KIF5B: variants seen among roughly 807,000 people sequenced by gnomAD.
The protein encoded by KIF5B is kinesin family member 5B.
Under a neutral mutation model 132.8 loss-of-function variants are expected in KIF5B, and 49 were observed. The observed-to-expected ratio is 0.37, with a 90% CI of 0.29 to 0.47. The LOEUF is 0.47. KIF5B is among the 20% of genes least tolerant of loss of function. The pLI, the probability that KIF5B is intolerant of heterozygous loss-of-function variation, is 1.00. For synonymous variants in KIF5B, 355 were observed against 369.4 expected, an observed-to-expected ratio of 0.96 and a Z score of 0.45; for missense variants, 780 against 1,144.0, an observed-to-expected ratio of 0.68 and a Z score of 4.59.
intron 1 of KIF5B, among the ~76,000 whole-genome samples, chr10:32,054,173 A>C (rs137943605): frequency 4.1e-4 from 63 of 152,374 alleles, no homozygotes; most frequent in African/African-American, 1.4e-3. Context: ...CAACCACTGC[A>C]GAAGCTGAGT....
chr10:32,040,911 C>T (rs888635136), intron 2 of KIF5B, among the ~76,000 whole-genome samples: 4 of 150,244 alleles, frequency 2.7e-5, no homozygotes, highest in African/African-American at 4.9e-5. Context: ...TTGCCTGAAC[C>T]GGGCAGGTGG....
At chr10:32,039,857 A>G (rs1841509261) in intron 3 of KIF5B, among the ~76,000 whole-genome samples, 1 of 152,234 alleles carries the variant, frequency 6.6e-6, no homozygotes, top group South Asian at 2.1e-4. Flanking sequence ...TTTACTTAAT[A>G]TAGTACACTC....
At chr10:32,015,703 T>A in intron 24 of KIF5B, 44 bp from the exon 25 acceptor site, 1 of 1,515,672 alleles carries the variant, frequency 6.6e-7, no homozygotes, top group Non-Finnish European at 9.0e-7. Flanking sequence ...AAGTTTAAGA[T>A]GTGACTGCAA....
intron 19 of KIF5B, 60 bp downstream of exon 19, chr10:32,020,962 A>T: frequency 1.1e-6 from 1 of 900,122 alleles, no homozygotes; most frequent in Non-Finnish European, 1.8e-6. Flanking sequence ...TAATAAGAAT[A>T]TATACCATGA....
chr10:32,039,502 C>G (rs1841504692), intron 3 of KIF5B, 71 bp from the exon 4 acceptor site: 2 of 737,612 alleles, frequency 2.7e-6, no homozygotes, highest in Non-Finnish European at 4.5e-6. Context: ...GAGTTTCAAT[C>G]TACAACTTAT....
intron 1 of KIF5B, among the ~76,000 whole-genome samples, chr10:32,049,343 A>G (rs902853178): frequency 2.0e-5 from 3 of 152,328 alleles, no homozygotes; most frequent in African/African-American, 7.2e-5. Flanking sequence ...ACCTAAGTCT[A>G]CGGGAAAGCA....
intron 6 of KIF5B, 54 bp downstream of exon 6, chr10:32,038,109 T>TA (rs373407112): frequency 0.048 from 46,142 of 955,788 alleles, 8 homozygotes; most frequent in Non-Finnish European, 0.052. Context: ...GACTCTGTCT[T>TA]AAAAAAAAAA....
At chr10:32,020,136 C>T (rs1284707363) in intron 19 of KIF5B, among the ~76,000 whole-genome samples, 177 bp from the exon 20 acceptor site, 1 of 152,082 alleles carries the variant, frequency 6.6e-6, no homozygotes, top group Non-Finnish European at 1.5e-5. Flanking sequence ...CAAAATTTTT[C>T]GTATTTTGGT....
At chr10:32,053,440 C>A (rs945060457) in intron 1 of KIF5B, among the ~76,000 whole-genome samples, 17 of 143,448 alleles carry the variant, frequency 1.2e-4, no homozygotes, top group African/African-American at 3.5e-4. Flanking sequence ...AAAAAAAAAA[C>A]CAGGCCAGGC....
Position 32,036,023 on chromosome 10 carries a change from C to T in KIF5B, c.712-29G>A, listed in dbSNP as rs770108491. On this transcript the variant is annotated intron_variant, in intron 8 of 25. Coordinates refer to ENST00000302418, the MANE Select transcript of KIF5B (RefSeq NM_004521.3). ...TACATAAGATTTCAAAAGAATGAAA[C>T]AAAATTACAAGTTTATAATTTTCTT... 8.6e-6 allele frequency: 12 copies of T among 1,399,060 alleles called. No individual in the cohort carries two copies. In the Admixed American group the frequency reaches 8.8e-5, roughly 10 times the overall value. The allele number at this position is 1,399,060 out of a possible 1,614,324, so 86.7% of individuals were successfully genotyped here.
rs1841064699 is a variant in KIF5B, at chr10:32,010,619, C to T, written c.*918G>A. The stretch of plus-strand genomic sequence containing the variant: ...AAAATTATGTTTAATCCTATAATAT[C>T]TTAATTCATTTTACTAATATTAAAG... On this transcript the variant is annotated 3_prime_UTR_variant, in exon 26 of 26. Transcript: ENST00000302418. The T allele has an allele frequency of 6.6e-6, 1 of 152,036 alleles. No individual in the cohort carries two copies. The highest frequency in any genetic ancestry group is 2.4e-5 in the African/African-American group (1 of 41,396). 9.4% of individuals were successfully genotyped at this position (152,036 alleles called of 1,614,324 possible).
intron 15 of KIF5B, among the ~76,000 whole-genome samples, chr10:32,025,384 A>T (rs995747076): frequency 2.6e-5 from 4 of 151,840 alleles, no homozygotes; most frequent in African/African-American, 7.3e-5. Flanking sequence ...AATTATTATT[A>T]TTTTTTTTGG....
chr10:32,014,644 C>T (rs892300941), intron 25 of KIF5B, among the ~76,000 whole-genome samples: 1 of 152,006 alleles, frequency 6.6e-6, no homozygotes, highest in African/African-American at 2.4e-5. Context: ...ACAGATATTA[C>T]TTATATAATT....
rs141022113 is a variant in KIF5B at position 32,048,497 on chromosome 10, C to T, written c.181G>A (p.Val61Met). 3.5e-5 allele frequency: 57 copies of T among 1,613,466 alleles called. No homozygotes were observed. In the African/African-American group the frequency reaches 6.8e-4, roughly 19 times the overall value. ...VFQSSTSQEQ[V>M]YNDCAKKIVK... Reference sequence around the variant, plus strand: ...ATCTTCTTTGCACAGTCATTATACACTTGCTCTTGAGATGTGCTTGACTGG... The same window carrying T: ...ATCTTCTTTGCACAGTCATTATACATTTGCTCTTGAGATGTGCTTGACTGG... The change falls in exon 2 of 26, where the codon GTG becomes ATG. Residue 61 changes from valine to methionine, a missense_variant. This residue lies in a region of KIF5B where 66 missense variants were observed against 83.4 expected (regional missense o/e 0.79). Coordinates refer to ENST00000302418, the MANE Select transcript of KIF5B (RefSeq NM_004521.3).
rs1841422534 is a variant in KIF5B at position 32,033,162 on chromosome 10, T to TCTTAA, written c.1306-389_1306-388insTTAAG. ...GGAAGATATTATTTCCACTCTATTG[T>TCTTAA]GTTTCCCTTAATCTCTCACATCATC... is the stretch of plus-strand genomic sequence containing the variant. On this transcript the variant is annotated intron_variant, in intron 12 of 25. Coordinates refer to ENST00000302418, the MANE Select transcript of KIF5B (RefSeq NM_004521.3). 1.4e-4 allele frequency among the ~76,000 whole-genome samples: 21 copies of TCTTAA among 152,338 alleles called. No homozygotes were observed. The South Asian group carries it at 4.3e-3, about 32-fold the overall frequency.
intron 1 of KIF5B, among the ~76,000 whole-genome samples, chr10:32,055,008 TA>T (rs1841735084): frequency 6.6e-6 from 1 of 152,232 alleles, no homozygotes; most frequent in Non-Finnish European, 1.5e-5. Context: ...ATCTTTTTTA[TA>T]AGTTTGTTTT....
At chr10:32,028,622 C>A in intron 14 of KIF5B, 51 bp from the exon 15 acceptor site, 1 of 1,475,300 alleles carries the variant, frequency 6.8e-7, no homozygotes, top group South Asian at 1.2e-5. Context: ...CATGAAAATT[C>A]AAATCAAATA....
intron 1 of KIF5B, among the ~76,000 whole-genome samples, chr10:32,049,894 G>A (rs534591693): frequency 2.7e-4 from 41 of 152,268 alleles, no homozygotes; most frequent in Non-Finnish European, 1.8e-4. Context: ...AGGTAACCAA[G>A]TGGTGCAGAA....
Position 32,011,029 on chromosome 10 carries a change from TGTA to T in KIF5B, c.*505_*507del, listed in dbSNP as rs1841071220. The T allele has an allele frequency of 1.3e-5, 2 of 152,124 alleles. No homozygotes were observed. Among genetic ancestry groups the T allele is most frequent in the Non-Finnish European group, 1.5e-5 (1 of 67,996 alleles). 9.4% of individuals were successfully genotyped at this position (152,124 alleles called of 1,614,324 possible). ...ACTGACTGGATATATTTTATGGGCA[TGTA>T]GTGTTGTTAAGTGGTAAAATTTAAA... On this transcript the variant is annotated 3_prime_UTR_variant, in exon 26 of 26. Transcript: ENST00000302418.
Sources: allele counts gnomAD v4.1 joint callset (sites outside exome capture counted in the v4.1 genomes callset), GRCh38; gene constraint gnomAD v4.1.1; regional missense constraint gnomAD v4.1.1; transcripts MANE v1.5; gene names NCBI Gene and HGNC (gene_info 2026-07-23, HGNC 2026-07-21).